CYFIP1: variants seen among roughly 807,000 people sequenced by gnomAD.
CYFIP1 encodes cytoplasmic FMR1 interacting protein 1.
CYFIP1 carries 58 observed loss-of-function variants against 163.5 expected under a neutral mutation model. The observed-to-expected ratio is 0.35, with a 90% CI of 0.29 to 0.44. The LOEUF (loss-of-function observed/expected upper bound fraction) is 0.44. Among genes scored for constraint, CYFIP1 ranks in the 20% least tolerant of loss-of-function variants. The pLI, the probability that CYFIP1 is intolerant of heterozygous loss-of-function variation, is 1.00. For synonymous variants in CYFIP1, 663 were observed against 660.7 expected, an observed-to-expected ratio of 1.00 and a Z score of -0.05; for missense variants, 1,338 against 1,653.8, an observed-to-expected ratio of 0.81 and a Z score of 3.31.
chr15:22,949,476 GC>G (rs1209652902), intron 1 of CYFIP1, among the ~76,000 whole-genome samples: 2 of 152,290 alleles, frequency 1.3e-5, no homozygotes, highest in East Asian at 3.9e-4. Flanking sequence ...GGAGGCATGG[GC>G]TACGAACCAC....
chr15:22,954,282 C>T (rs1024595643), intron 1 of CYFIP1, among the ~76,000 whole-genome samples: 2 of 152,120 alleles, frequency 1.3e-5, no homozygotes, highest in Non-Finnish European at 2.9e-5. Context: ...AGCTCCAGAA[C>T]TGAGAGAAAG....
intron 22 of CYFIP1, among the ~76,000 whole-genome samples, chr15:22,901,234 C>T (rs2060383914): frequency 6.6e-6 from 1 of 151,790 alleles, no homozygotes; most frequent in South Asian, 2.1e-4. Context: ...AAAAAAACAA[C>T]TCACTGCTGT....
intron 13 of CYFIP1, 24 bp downstream of exon 13, chr15:22,925,958 G>C: frequency 6.2e-7 from 1 of 1,609,806 alleles, no homozygotes; most frequent in Non-Finnish European, 8.5e-7. Context: ...ACATGAGGAA[G>C]AGCGAGCGGC....
At chr15:22,875,077 G>C (rs2059543886) in intron 27 of CYFIP1, 122 bp downstream of exon 27, 10 of 829,478 alleles carry the variant, frequency 1.2e-5, no homozygotes, top group Admixed American at 1.9e-5. Context: ...TTACCCCTGG[G>C]TATGACTGAA....
At chr15:22,939,675 T>C in intron 6 of CYFIP1, among the ~76,000 whole-genome samples, 168 bp from the exon 7 acceptor site, 1 of 151,190 alleles carries the variant, frequency 6.6e-6, no homozygotes, top group East Asian at 2.0e-4. Flanking sequence ...TTTTCAGGCG[T>C]CTCTGGCCCT....
At chr15:22,951,394 C>T in intron 1 of CYFIP1, 1 of 1,286,302 alleles carries the variant, frequency 7.8e-7, no homozygotes, top group Non-Finnish European at 1.0e-6. Flanking sequence ...CGGGTGGGTG[C>T]AGGGTCCAGC....
intron 1 of CYFIP1, among the ~76,000 whole-genome samples, chr15:22,967,419 G>A (rs1308905088): frequency 6.6e-6 from 1 of 152,202 alleles, no homozygotes; most frequent in Non-Finnish European, 1.5e-5. Flanking sequence ...TTTCCACCAT[G>A]TAGTCTTGGC....
At position 22,944,947 on chromosome 15, in the gene CYFIP1, G is replaced by A. The variant is rs1163425400; in HGVS notation, c.208-8C>T. 5 of 1,613,138 alleles carry A rather than the reference G, an allele frequency of 3.1e-6. No homozygotes were observed. Among genetic ancestry groups the A allele is most frequent in the Non-Finnish European group, 4.2e-6 (5 of 1,179,184 alleles). On this transcript the variant is annotated splice_polypyrimidine_tract_variant and splice_region_variant and intron_variant, in intron 3 of 30. Transcript: ENST00000617928. ...CTCCTCCAGCATCTCGTTCTGCAAT[G>A]GAACACAGGGCAAATCAAAGGCAGG...
chr15:22,877,040 T>C (rs545752606), intron 26 of CYFIP1, among the ~76,000 whole-genome samples: 22 of 152,222 alleles, frequency 1.4e-4, no homozygotes, highest in Middle Eastern at 3.4e-3. Context: ...GGCTTGGACA[T>C]ACACAGAGGC....
intron 1 of CYFIP1, among the ~76,000 whole-genome samples, chr15:22,977,340 T>C (rs986332690): frequency 1.3e-5 from 2 of 152,196 alleles, no homozygotes; most frequent in African/African-American, 4.8e-5. Context: ...TGTCAGCAAA[T>C]AGGGACAATT....
chr15:22,965,722 G>T (rs141486115), intron 1 of CYFIP1, among the ~76,000 whole-genome samples: 207 of 152,254 alleles, frequency 1.4e-3, no homozygotes, highest in African/African-American at 4.5e-3. Context: ...TATCTAACAG[G>T]GATAACGAAT....
intron 23 of CYFIP1, among the ~76,000 whole-genome samples, chr15:22,891,357 G>A (rs1381336234): frequency 2.6e-5 from 4 of 152,138 alleles, no homozygotes; most frequent in Admixed American, 1.3e-4. Flanking sequence ...CCCAGGAGGC[G>A]GAGGCTGCAG....
chr15:22,870,265 G>T, intron 30 of CYFIP1, 73 bp from the exon 31 acceptor site: 2 of 1,479,808 alleles, frequency 1.4e-6, no homozygotes, highest in Non-Finnish European at 1.8e-6. Context: ...AAAATGTCAG[G>T]ATTCTTATAT....
In CYFIP1 at chr15:22,892,879, T is replaced by C. The variant is rs74003080; in HGVS notation, c.2676+11A>G. 3,217 of 1,599,140 alleles carry C rather than the reference T, an allele frequency of 2.0e-3. 55 individuals carry two copies. The African/African-American group carries it at 0.038, about 19-fold the overall frequency. ...GCTTCAAGCTCGTAACACGAACACATTGGAGCCTACCTTGGATCCATGCAG... is the reference window on the plus strand; with the variant it reads ...GCTTCAAGCTCGTAACACGAACACACTGGAGCCTACCTTGGATCCATGCAG... On this transcript the variant is annotated intron_variant, in intron 23 of 30. Coordinates refer to ENST00000617928, the MANE Select transcript of CYFIP1 (RefSeq NM_014608.6).
chr15:22,927,483 CAAAA>C (rs1188331935), intron 12 of CYFIP1, among the ~76,000 whole-genome samples: 2 of 57,478 alleles, frequency 3.5e-5, no homozygotes, highest in African/African-American at 5.8e-5. Flanking sequence ...AACTCCGTCT[CAAAA>C]AAAAAAAAAA....
rs1716369342 is a variant in CYFIP1 at position 22,870,203 on chromosome 15, C to T, written c.3598-11G>A. ...CATCTTCTTCAAAGGCTACAACCAT[C>T]AAAGTGAGGATGTTTTACTATTAAC... On this transcript the variant is annotated splice_polypyrimidine_tract_variant and intron_variant, in intron 30 of 30. Coordinates refer to ENST00000617928, the MANE Select transcript of CYFIP1 (RefSeq NM_014608.6). 1 of 1,600,638 alleles carries T rather than the reference C, an allele frequency of 6.2e-7. No individual in the cohort carries two copies. The highest frequency in any genetic ancestry group is 8.5e-7 in the Non-Finnish European group (1 of 1,175,410).
chr15:22,948,358 G>A (rs907986500), intron 1 of CYFIP1, among the ~76,000 whole-genome samples: 1 of 152,134 alleles, frequency 6.6e-6, no homozygotes, highest in East Asian at 1.9e-4. Flanking sequence ...GCACACAGGG[G>A]GCAGGTCCAA....
chr15:22,955,912 G>A (rs141149335), intron 1 of CYFIP1, among the ~76,000 whole-genome samples: 102 of 152,272 alleles, frequency 6.7e-4, no homozygotes, highest in African/African-American at 2.3e-3. Flanking sequence ...TGAATCAACA[G>A]AATTTTTTTT....
Position 22,951,292 on chromosome 15 carries a change from T to C in CYFIP1, c.-6-4001A>G, listed in dbSNP as rs1169791685. On this transcript the variant is annotated intron_variant, in intron 1 of 30. Transcript: ENST00000617928. ...TGCTGCATGTTCCTCACTAGAAATC[T>C]ACATGTAGCAGAAACTCTCGTCCAC... 4 of 1,115,578 alleles carry C rather than the reference T, an allele frequency of 3.6e-6. No individual in the cohort carries two copies. The East Asian group carries it at 3.4e-4, about 96-fold the overall frequency. 69.1% of individuals were successfully genotyped at this position (1,115,578 alleles called of 1,614,324 possible). A position where few individuals can be genotyped will look rare whatever the true frequency, so the allele number is the denominator to read the frequency against.
Sources: gnomAD v4.1 joint callset for allele counts (sites outside exome capture counted in the v4.1 genomes callset) on GRCh38, gnomAD v4.1.1 for gene constraint, MANE v1.5 for transcripts, NCBI Gene and HGNC (gene_info 2026-07-23, HGNC 2026-07-21) for gene names.